NR1H3: variants seen among roughly 807,000 people sequenced by gnomAD.
NR1H3 encodes the protein oxysterols receptor LXR-alpha.
A neutral mutation model predicts 48.1 loss-of-function variants in NR1H3; 19 were observed. That is an observed-to-expected ratio of 0.40 (90% CI 0.28 to 0.58). The LOEUF (loss-of-function observed/expected upper bound fraction) is 0.58. Among genes scored for constraint, NR1H3 ranks in the 20% least tolerant of loss-of-function variants. NR1H3 has a pLI of 0.50. For missense variants in NR1H3, 486 were observed against 595.9 expected (o/e 0.82, Z 1.92); for synonymous variants, 232 against 227.3 (o/e 1.02, Z -0.19).
chr11:47,257,548 A>C (rs1955302427), upstream of NR1H3: 1 of 628,376 alleles, frequency 1.6e-6, no homozygotes, highest in Admixed American at 6.3e-5. Flanking sequence ...GCCTCTTCCC[A>C]GAGGCAAGGG....
chr11:47,248,992 A>G (rs369193694), exon 1 of NR1H3: 4 of 1,495,240 alleles, frequency 2.7e-6, no homozygotes, highest in Non-Finnish European at 3.6e-6. Flanking sequence ...GCGGAGGAGC[A>G]TAAGAAGGTA....
chr11:47,262,094 T>C (rs1263991070), intron 7 of NR1H3, 76 bp downstream of exon 7: 2 of 1,186,314 alleles, frequency 1.7e-6, no homozygotes, highest in African/African-American at 3.1e-5. Flanking sequence ...TTTTAAAAAT[T>C]GAGGGCCAGG....
At position 47,260,504 on chromosome 11, in the gene NR1H3, T is replaced by C; in HGVS notation, c.328T>C (p.Tyr110His). ...TGGGGACAAGGCCTCGGGCTTCCAC[T>C]ACAATGTTCTGAGCTGCGAGGGCTG... Reference protein sequence around the residue: ...VCGDKASGFHYNVLSCEGCKG... With the variant: ...VCGDKASGFHHNVLSCEGCKG... Residue 110 changes from tyrosine to histidine, a missense_variant, in exon 4 of 10, where the codon TAC (tyrosine) becomes CAC (histidine). Transcript: ENST00000441012. 2 of 1,614,242 alleles carry C rather than the reference T, an allele frequency of 1.2e-6. No homozygotes were observed. Among genetic ancestry groups the C allele is most frequent in the Non-Finnish European group, 1.7e-6 (2 of 1,180,048 alleles).
intron 7 of NR1H3, among the ~76,000 whole-genome samples, chr11:47,264,215 G>A (rs1042232651): frequency 3.3e-5 from 5 of 152,136 alleles, no homozygotes; most frequent in Non-Finnish European, 4.4e-5. Context: ...GTAGCTTAAC[G>A]ACTGGATGAG....
chr11:47,260,000 G>A, intron 3 of NR1H3, 21 bp downstream of exon 3: 1 of 1,490,620 alleles, frequency 6.7e-7, no homozygotes, highest in Non-Finnish European at 8.9e-7. Context: ...TCTGGGTTTG[G>A]AGGAGGTAGG....
At chr11:47,249,702 C>T (rs1954459516) in intron 1 of NR1H3, among the ~76,000 whole-genome samples, 2 of 152,106 alleles carry the variant, frequency 1.3e-5, no homozygotes, top group African/African-American at 4.8e-5. Context: ...CTTTGTGACT[C>T]CTGTGACGGT....
chr11:47,252,154 A>G (rs1954717049), intron 1 of NR1H3, among the ~76,000 whole-genome samples: 1 of 152,310 alleles, frequency 6.6e-6, no homozygotes, highest in African/African-American at 2.4e-5. Context: ...GAGGACAGGA[A>G]CCACTACCAT....
At chr11:47,248,679 G>C (rs756569349), upstream of NR1H3, 9 of 1,610,534 alleles carry the variant, frequency 5.6e-6, no homozygotes, top group African/African-American at 9.3e-5. Context: ...TCATTACCAA[G>C]GTAACGAAGC....
In NR1H3 at chr11:47,259,171, T is replaced by C; in HGVS notation, c.-37-9T>C. 6.2e-7 allele frequency: 1 copy of C among 1,614,140 alleles called. No individual in the cohort carries two copies. Among genetic ancestry groups the C allele is most frequent in the Non-Finnish European group, 8.5e-7 (1 of 1,180,000 alleles). Reference sequence around the variant, plus strand: ...TTCTAGAAGAGTATAATCTGGGTCCTTCCTGCAGGACAGTGCCTTGGTAAT... The same window carrying C: ...TTCTAGAAGAGTATAATCTGGGTCCCTCCTGCAGGACAGTGCCTTGGTAAT... On this transcript the variant is annotated splice_polypyrimidine_tract_variant and intron_variant, in intron 1 of 9. Transcript: ENST00000441012.
intron 7 of NR1H3, among the ~76,000 whole-genome samples, chr11:47,266,557 C>T (rs1038206053): frequency 1.9e-4 from 29 of 152,014 alleles, no homozygotes; most frequent in Admixed American, 9.2e-4. Flanking sequence ...TGGTCTCAAA[C>T]TCTTGAGCTC....
Position 47,259,864 on chromosome 11 carries a change from C to T in NR1H3, c.117C>T (p.Ile39=). ...SSQAQGGSSC[I]LREEARMPHS... ...AGGCCCAGGGAGGCAGCAGCTGCAT[C>T]CTCAGAGAGGAAGCCAGGATGCCCC... The change falls in exon 3 of 10, where the codon ATC becomes ATT. Residue 39 remains isoleucine (I), a synonymous_variant. Transcript: ENST00000441012. 1.1e-5 allele frequency: 17 copies of T among 1,612,894 alleles called. No individual in the cohort carries two copies. The highest frequency in any genetic ancestry group is 1.4e-5 in the Non-Finnish European group (17 of 1,179,972).
rs144318886 is a variant in NR1H3, at chr11:47,265,821, G to A, written c.989-2092G>A. ...TGGGAGGCAGAGCTTGCAGTGAGCC[G>A]AGATCATGCAACTGCACTCTAGTCT... On this transcript the variant is annotated intron_variant, in intron 7 of 9. Transcript: ENST00000441012. Among the ~76,000 whole-genome samples the A allele has an allele frequency of 2.4e-3, 362 of 152,278 alleles. 3 individuals carry two copies. The highest frequency in any genetic ancestry group is 7.8e-3 in the African/African-American group (325 of 41,552).
At chr11:47,267,471 G>A (rs1956718993) in intron 7 of NR1H3, among the ~76,000 whole-genome samples, 1 of 151,724 alleles carries the variant, frequency 6.6e-6, no homozygotes, top group African/African-American at 2.4e-5. Flanking sequence ...TTATAGAGGG[G>A]TTAAGACATT....
intron 2 of NR1H3, 174 bp downstream of exon 2, chr11:47,259,433 G>T: frequency 6.4e-7 from 1 of 1,556,014 alleles, no homozygotes; most frequent in Non-Finnish European, 8.7e-7. Flanking sequence ...TCCAGTGCCT[G>T]GCCCTTGCAG....
exon 1 of NR1H3, chr11:47,248,958 C>T (rs764734546): frequency 6.5e-7 from 1 of 1,528,548 alleles, no homozygotes; most frequent in Non-Finnish European, 8.7e-7. Context: ...GGATTGCGTG[C>T]AGGAGGGTCG....
Position 47,259,911 on chromosome 11 carries a change from G to C in NR1H3, c.164G>C (p.Gly55Ala). Residue 55 changes from glycine to alanine, a missense_variant, in exon 3 of 10, where the codon GGG becomes GCG. Physicochemically the swap from Gly to Ala is moderately conservative, Grantham distance 60. Transcript: ENST00000441012. ...CCCCACTCTGCTGGGGGTACTGCAG[G>C]GGTGGGGCTGGAGGCTGCAGAGCCC... ...RMPHSAGGTA[G>A]VGLEAAEPTA... The C allele has an allele frequency of 1.9e-6, 3 of 1,610,356 alleles. No homozygotes were observed. Among genetic ancestry groups the C allele is most frequent in the Non-Finnish European group, 2.5e-6 (3 of 1,178,368 alleles).
At chr11:47,267,489 G>A (rs925757165) in intron 7 of NR1H3, among the ~76,000 whole-genome samples, 3 of 151,830 alleles carry the variant, frequency 2.0e-5, no homozygotes, top group African/African-American at 2.4e-5. Flanking sequence ...ATTTGCTCAA[G>A]GTTACACAGC....
chr11:47,268,134 G>A, intron 8 of NR1H3, 108 bp downstream of exon 8: 1 of 1,164,902 alleles, frequency 8.6e-7, no homozygotes, highest in South Asian at 1.3e-5. Flanking sequence ...GAGGGTGGAG[G>A]CATTTGCTGT....
At chr11:47,259,023 T>A (rs1055538384) in intron 1 of NR1H3, 157 bp from the exon 2 acceptor site, 1 of 1,312,078 alleles carries the variant, frequency 7.6e-7, no homozygotes, top group East Asian at 2.6e-5. Context: ...AAAAACATAA[T>A]AGTAATATAA....
Sources: allele counts gnomAD v4.1 joint callset (sites outside exome capture counted in the v4.1 genomes callset), GRCh38; gene constraint gnomAD v4.1.1; transcripts MANE v1.5; gene names NCBI Gene and HGNC (gene_info 2026-07-23, HGNC 2026-07-21).